Variants in LILRA1 observed in about 807,000 individuals in gnomAD.
LILRA1 encodes the protein leukocyte immunoglobulin like receptor A1, also known as leukocyte immunoglobulin-like receptor subfamily A member 1.
In LILRA1, 51 loss-of-function variants were observed where a neutral mutation model predicts 51.6. The ratio of observed to expected loss-of-function variants is 0.99; its 90% CI spans 0.79 to 1.25. The LOEUF (loss-of-function observed/expected upper bound fraction) is 1.25. Ranked by LOEUF, LILRA1 falls within the 50% of genes most tolerant of loss-of-function variation. LILRA1 has a pLI of 0.00. For synonymous variants in LILRA1, 305 were observed against 248.4 expected (o/e 1.23, Z -2.14); for missense variants, 660 against 611.7 (o/e 1.08, Z -0.83).
In LILRA1 at chr19:54,593,660, C is replaced by T. The variant is rs1337035936; in HGVS notation, c.-170C>T. The T allele has an allele frequency of 1.1e-5, 5 of 451,140 alleles. No individual in the cohort carries two copies. The highest frequency in any genetic ancestry group is 7.0e-5 in the East Asian group (1 of 14,202). 27.9% of individuals were successfully genotyped at this position (451,140 alleles called of 1,614,324 possible). On this transcript the variant is annotated 5_prime_UTR_variant, in exon 1 of 10. In the 5' UTR this introduces an upstream ATG that the reference lacks. Transcript: ENST00000251372. ...TTTCTCCTCTGTGCTCACTGCCACA[C>T]GCAGCTCAACCTGAGCTACACAGCC...
chr19:54,595,747 T>C lies in LILRA1; in HGVS notation c.770T>C (p.Leu257Pro). ...VSDVSYDRFV[L>P]YKEGERDFLQ... ...GATGTCAGCTACGACAGATTTGTTC[T>C]GTATAAGGAGGGAGAACGTGACTTC... Residue 257 changes from leucine to proline, a missense_variant, in exon 6 of 10, where the codon CTG becomes CCG. By Grantham distance (98) the Leu-to-Pro change is moderately conservative. Transcript: ENST00000251372. 3.1e-6 allele frequency: 5 copies of C among 1,614,102 alleles called. No individual in the cohort carries two copies. The highest frequency in any genetic ancestry group is 1.1e-5 in the South Asian group (1 of 91,082).
chr19:54,593,929 C>T (rs2062961500), intron 1 of LILRA1, 148 bp downstream of exon 1: 9 of 680,586 alleles, frequency 1.3e-5, no homozygotes, highest in African/African-American at 5.3e-5. Context: ...TGCTACATCC[C>T]GTCTCTCAGT....
In LILRA1 at chr19:54,595,206, T is replaced by C; in HGVS notation, c.465T>C (p.Ile155=). 1 of 1,614,052 alleles carries C rather than the reference T, an allele frequency of 6.2e-7. No homozygotes were observed. The highest frequency in any genetic ancestry group is 1.6e-4 in the Middle Eastern group (1 of 6,062). Residue 155 remains isoleucine (I), a synonymous_variant, in exon 5 of 10, where the codon ATT becomes ATC. Coordinates refer to ENST00000251372, the MANE Select transcript of LILRA1 (RefSeq NM_006863.4). ...CVSQVAFGSF[I]LCKEGEDEHP... The stretch of plus-strand genomic sequence containing the variant: ...CACAGGTGGCATTTGGCAGCTTCAT[T>C]CTGTGTAAGGAAGGAGAAGATGAAC...
At position 54,595,160 on chromosome 19, in the gene LILRA1, A is replaced by G; in HGVS notation, c.419A>G (p.Asn140Ser). Residue 140 changes from asparagine (N) to serine (S), a missense_variant, in exon 5 of 10, where the codon AAC becomes AGC. By Grantham distance (46) the Asn-to-Ser change is conservative (BLOSUM62 1). Transcript: ENST00000251372. ...AGCCCTGTGGTGACCTCAGGAGGGA[A>G]CGTGACCCTCCATTGTGTCTCACAG... ...LPSPVVTSGG[N>S]VTLHCVSQVA... The G allele has an allele frequency of 1.2e-6, 2 of 1,614,122 alleles. No individual in the cohort carries two copies. The highest frequency in any genetic ancestry group is 1.3e-5 in the African/African-American group (1 of 75,032).
At chr19:54,599,375 A>T (rs559420052) in intron 8 of LILRA1, 89 bp downstream of exon 8, 99 of 1,452,566 alleles carry the variant, frequency 6.8e-5, no homozygotes, top group East Asian at 9.9e-5. Context: ...TGGACATTTT[A>T]AAAAATTACA....
At position 54,600,517 on chromosome 19, in the gene LILRA1, GC is replaced by G; in HGVS notation, c.1319del (p.Ala440ValfsTer28). 1 of 1,614,162 alleles carries G rather than the reference GC, an allele frequency of 6.2e-7. No homozygotes were observed. On this transcript the variant is annotated frameshift_variant, in exon 9 of 10. Coordinates refer to ENST00000251372, the MANE Select transcript of LILRA1 (RefSeq NM_006863.4). LOFTEE classifies it low-confidence loss of function (END_TRUNC). ...CCCTCTGTTTTTATTCTCAGGAGCAGCTAACACCCTCAGCCCATCACAAAAC... is the reference window on the plus strand; with the variant it reads ...CCCTCTGTTTTTATTCTCAGGAGCAGTAACACCCTCAGCCCATCACAAAAC... ...QNKSDSKAGA[A>X]NTLSPSQNKT...
At chr19:54,597,454 A>G (rs1291297492) in intron 7 of LILRA1, among the ~76,000 whole-genome samples, 3 of 152,006 alleles carry the variant, frequency 2.0e-5, no homozygotes, top group Non-Finnish European at 4.4e-5. Context: ...TCTCATGTAC[A>G]TAACAAAATC....
In LILRA1 at chr19:54,600,493, C is replaced by G. The variant is rs1310618742; in HGVS notation, c.1313-19C>G. On this transcript the variant is annotated intron_variant, in intron 8 of 9. Transcript: ENST00000251372. ...GGAGAGGCTGGCTCAGGGCTCTTCC[C>G]CTCTGTTTTTATTCTCAGGAGCAGC... The G allele has an allele frequency of 6.2e-7, 1 of 1,613,920 alleles. No individual in the cohort carries two copies. The highest frequency in any genetic ancestry group is 8.5e-7 in the Non-Finnish European group (1 of 1,179,908).
chr19:54,601,796 G>C lies in LILRA1; in HGVS notation c.*979G>C, dbSNP rs1196261629. On this transcript the variant is annotated 3_prime_UTR_variant, in exon 10 of 10. Transcript: ENST00000251372. ...ACAGTCAGGCAGAAGTATGCAAAAT[G>C]ACTGGGGCTGATTCTTTTCTGAATT... 1 of 152,244 alleles carries C rather than the reference G, an allele frequency of 6.6e-6. No individual in the cohort carries two copies. Among genetic ancestry groups the C allele is most frequent in the African/African-American group, 2.4e-5 (1 of 41,454 alleles). 9.4% of individuals were successfully genotyped at this position (152,244 alleles called of 1,614,324 possible).
At chr19:54,598,076 C>T (rs1038613608) in intron 7 of LILRA1, among the ~76,000 whole-genome samples, 2 of 150,824 alleles carry the variant, frequency 1.3e-5, no homozygotes, top group African/African-American at 2.4e-5. Context: ...AAGGAGGGAC[C>T]GTGCACCTGC....
chr19:54,599,178 G>C lies in LILRA1; in HGVS notation c.1262-58G>C, dbSNP rs2063120082. ...TATAAGTTATACATAATCTTATATA[G>C]AATTTGTTATATAAGTTACCTCTGA... On this transcript the variant is annotated intron_variant, in intron 7 of 9. Transcript: ENST00000251372. 2.7e-6 allele frequency: 4 copies of C among 1,466,958 alleles called. No individual in the cohort carries two copies. In the East Asian group the frequency reaches 9.6e-5, roughly 35 times the overall value. The allele number at this position is 1,466,958 out of a possible 1,614,324, so 90.9% of individuals were successfully genotyped here.
chr19:54,599,619 T>C, intron 8 of LILRA1: 1 of 1,015,340 alleles, frequency 9.8e-7, no homozygotes, highest in Non-Finnish European at 1.2e-6. Flanking sequence ...AATGGGAAAT[T>C]TTACTTCTTT....
chr19:54,594,548 G>C, intron 3 of LILRA1, 72 bp downstream of exon 3: 4 of 1,613,900 alleles, frequency 2.5e-6, no homozygotes, highest in Non-Finnish European at 3.4e-6. Flanking sequence ...GTGCAGCTGG[G>C]GATGGGGAAT....
rs769946930 is a variant in LILRA1 at position 54,596,259 on chromosome 19, C to A, written c.1029C>A (p.Thr343=). ...GPTVASGENV[T]LLCQSWGPFH... ...CGGTGGCCTCAGGAGAGAACGTGAC[C>A]CTGCTGTGTCAGTCATGGGGGCCGT... Residue 343 remains threonine, a synonymous_variant, in exon 7 of 10, where the codon ACC becomes ACA. Transcript: ENST00000251372. 6.2e-7 allele frequency: 1 copy of A among 1,614,062 alleles called. No homozygotes were observed. Among genetic ancestry groups the A allele is most frequent in the East Asian group, 2.2e-5 (1 of 44,870 alleles).
At position 54,595,729 on chromosome 19, in the gene LILRA1, G is replaced by T. The variant is rs766833481; in HGVS notation, c.752G>T (p.Ser251Ile). The T allele has an allele frequency of 6.2e-7, 1 of 1,614,066 alleles. No homozygotes were observed. The highest frequency in any genetic ancestry group is 1.1e-5 in the South Asian group (1 of 91,090). ...ACCCTCCAGTGTGTTTCTGATGTCAGCTACGACAGATTTGTTCTGTATAAG... is the reference window on the plus strand; with the variant it reads ...ACCCTCCAGTGTGTTTCTGATGTCATCTACGACAGATTTGTTCTGTATAAG... Reference protein sequence around the residue: ...SLTLQCVSDVSYDRFVLYKEG... With the variant: ...SLTLQCVSDVIYDRFVLYKEG... Residue 251 changes from serine to isoleucine, a missense_variant, in exon 6 of 10, where the codon AGC (serine) becomes ATC (isoleucine). Transcript: ENST00000251372.
At chr19:54,597,518 C>A (rs2063084300) in intron 7 of LILRA1, among the ~76,000 whole-genome samples, 1 of 152,124 alleles carries the variant, frequency 6.6e-6, no homozygotes, top group Non-Finnish European at 1.5e-5. Context: ...GGACCCCACA[C>A]CCCGACCTTG....
chr19:54,600,588 C>A (rs758919570), intron 9 of LILRA1, 38 bp downstream of exon 9: 1 of 1,613,558 alleles, frequency 6.2e-7, no homozygotes, highest in Non-Finnish European at 8.5e-7. Context: ...GTGCTGGGCA[C>A]AAGGGTTGGG....
chr19:54,593,786 G>A lies in LILRA1; in HGVS notation c.-49+5G>A, dbSNP rs111772899. The A allele has an allele frequency of 0.027, 31,199 of 1,165,698 alleles. 447 individuals are homozygous for A. The highest frequency in any genetic ancestry group is 0.027 in the Non-Finnish European group (23,485 of 854,708). The allele number at this position is 1,165,698 out of a possible 1,614,324, so 72.2% of individuals were successfully genotyped here. ...GCTGGAGGGACGACTGCCATGGTAA[G>A]GACCCCACAACGCTGAGCTGATGGA... On this transcript the variant is annotated splice_donor_5th_base_variant and intron_variant, in intron 1 of 9. Transcript: ENST00000251372.
chr19:54,596,197 C>T lies in LILRA1; in HGVS notation c.967C>T (p.Arg323Cys), dbSNP rs755680562. 50 of 1,613,430 alleles carry T rather than the reference C, an allele frequency of 3.1e-5. 1 individual carries two copies. In the Admixed American group the frequency reaches 3.5e-4, roughly 11 times the overall value. The part of the protein sequence containing the change: ...PLDILIAGQF[R>C]GRPFISVHPG... ...ATCCTTCTTCTCTCCAGGACAGTTC[C>T]GTGGCAGACCCTTCATCTCGGTGCA... The change falls in exon 7 of 10, where the codon CGT becomes TGT. Residue 323 changes from arginine to cysteine, a missense_variant. Physicochemically the swap from Arg to Cys is radical, Grantham distance 180 (BLOSUM62 -3). Transcript: ENST00000251372.
Sources: allele counts gnomAD v4.1 joint callset (sites outside exome capture counted in the v4.1 genomes callset), GRCh38; gene constraint gnomAD v4.1.1; transcripts MANE v1.5; gene names NCBI Gene and HGNC (gene_info 2026-07-23, HGNC 2026-07-21).